The following DGAT1 variants were observed in gnomAD, a reference collection of about 807,000 sequenced individuals.
The protein encoded by DGAT1 is ACAT related gene product 1.
A neutral mutation model predicts 72.6 loss-of-function variants in DGAT1; 60 were observed. The ratio of observed to expected loss-of-function variants is 0.83; its 90% confidence interval spans 0.67 to 1.02. The LOEUF (loss-of-function observed/expected upper bound fraction) is 1.02, where lower values mean the gene tolerates loss of function less well. DGAT1 is among the 50% of genes least tolerant of loss of function. The pLI is 0.00. For synonymous variants in DGAT1, 290 were observed against 267.5 expected (o/e 1.08, Z -0.82); for missense variants, 592 against 670.0 (o/e 0.88, Z 1.29).
chr8:144,320,009 C>A lies in DGAT1; in HGVS notation c.289-941G>T, dbSNP rs1395402351. On this transcript the variant is annotated intron_variant, in intron 2 of 16. Transcript: ENST00000528718. Reference sequence around the variant, plus strand: ...AGACACAAGGGCTACTGCCCCGCCTCCCCCGGCCGCAGGGCTGACACACAG... The same window carrying A: ...AGACACAAGGGCTACTGCCCCGCCTACCCCGGCCGCAGGGCTGACACACAG... 2.6e-5 allele frequency among the ~76,000 whole-genome samples: 4 copies of A among 152,234 alleles called. 1 individual carries two copies. The highest frequency in any genetic ancestry group is 5.9e-5 in the Non-Finnish European group (4 of 68,030).
intron 1 of DGAT1, among the ~76,000 whole-genome samples, chr8:144,321,873 C>T (rs537628145): frequency 4.6e-5 from 7 of 152,352 alleles, no homozygotes; most frequent in African/African-American, 1.7e-4. Flanking sequence ...CATCCCAGCA[C>T]CCGGGAGCTA....
intron 2 of DGAT1, among the ~76,000 whole-genome samples, chr8:144,319,707 G>T (rs1817389687): frequency 6.6e-6 from 1 of 152,200 alleles, no homozygotes; most frequent in South Asian, 2.1e-4. Flanking sequence ...AACTTCCCAG[G>T]ACTGAGCCCC....
At chr8:144,326,017 G>A (rs983291289) in intron 1 of DGAT1, among the ~76,000 whole-genome samples, 2 of 152,118 alleles carry the variant, frequency 1.3e-5, no homozygotes, top group Non-Finnish European at 2.9e-5. Flanking sequence ...TCCTCTGGGA[G>A]CCTTTCCTAC....
Position 144,326,703 on chromosome 8 carries a change from G to A in DGAT1, c.-67C>T. Reference sequence around the variant, plus strand: ...CGGGTTCGTAGCGCCCGAGGCGCGCGGCCCCACCTCCGGGCCCTAGACAAC... The same window carrying A: ...CGGGTTCGTAGCGCCCGAGGCGCGCAGCCCCACCTCCGGGCCCTAGACAAC... On this transcript the variant is annotated 5_prime_UTR_variant, in exon 1 of 17. Coordinates refer to ENST00000528718, the MANE Select transcript of DGAT1 (RefSeq NM_012079.6). 8.9e-7 allele frequency: 1 copy of A among 1,118,906 alleles called. No individual in the cohort carries two copies. Among genetic ancestry groups the A allele is most frequent in the South Asian group, 3.7e-5 (1 of 26,964 alleles). 69.3% of individuals were successfully genotyped at this position (1,118,906 alleles called of 1,614,324 possible). A position where few individuals can be genotyped will look rare whatever the true frequency, so the allele number is the denominator to read the frequency against.
rs782538538 is a variant in DGAT1 at position 144,317,366 on chromosome 8, T to C, written c.1061A>G (p.Gln354Arg). ...SCLNAVAELM[Q>R]FGDREFYRDW... ...CCGGTAGAACTCCCGGTCTCCAAAC[T>C]GCATGAGCTCAGCCACGGCATTCAG... The change falls in exon 13 of 17, where the codon CAG becomes CGG. Residue 354 changes from glutamine (Q) to arginine (R), a missense_variant. Coordinates refer to ENST00000528718, the MANE Select transcript of DGAT1 (RefSeq NM_012079.6). 5.0e-6 allele frequency: 8 copies of C among 1,613,498 alleles called. No individual in the cohort carries two copies. In the Admixed American group the frequency reaches 1.3e-4, roughly 27 times the overall value.
intron 2 of DGAT1, among the ~76,000 whole-genome samples, chr8:144,320,903 A>C (rs1817433913): frequency 6.6e-6 from 1 of 152,120 alleles, no homozygotes; most frequent in African/African-American, 2.4e-5. Flanking sequence ...CCTTGTGTCC[A>C]CAGAGCATGC....
At chr8:144,318,667 G>A in intron 5 of DGAT1, 32 bp downstream of exon 5, 1 of 1,607,792 alleles carries the variant, frequency 6.2e-7, no homozygotes, top group Non-Finnish European at 8.5e-7. Flanking sequence ...ACAGCAGGGT[G>A]AGCACACACG....
rs1192022279 is a variant in DGAT1 at position 144,326,494 on chromosome 8, G to C, written c.143C>G (p.Ala48Gly). The change falls in exon 1 of 17, where the codon GCC becomes GGC. Residue 48 changes from alanine (A) to glycine (G), a missense_variant. Physicochemically the swap from Ala to Gly is moderately conservative, Grantham distance 60 (BLOSUM62 0). Coordinates refer to ENST00000528718, the MANE Select transcript of DGAT1 (RefSeq NM_012079.6). ...GTCTCCGTCCTTGTTGGGGGCCGGG[G>C]CTGGCGCGTCCCCCGCGGCTCCCAC... ...PDVGAAGDAP[A>G]PAPNKDGDAG... 1.5e-6 allele frequency: 2 copies of C among 1,290,732 alleles called. No homozygotes were observed. The highest frequency in any genetic ancestry group is 3.1e-5 in the East Asian group (1 of 31,892). 80.0% of individuals were successfully genotyped at this position (1,290,732 alleles called of 1,614,324 possible).
Position 144,314,644 on chromosome 8 carries a change from A to G in DGAT1, c.*1910T>C. ...ACAACTGTCCCGTTCCCCGCTCCAC[A>G]GAGATACACAGATATATACACACAG... On this transcript the variant is annotated 3_prime_UTR_variant, in exon 17 of 17. Transcript: ENST00000528718. 2.4e-6 allele frequency: 1 copy of G among 416,652 alleles called. No homozygotes were observed. The highest frequency in any genetic ancestry group is 4.5e-6 in the Non-Finnish European group (1 of 223,642). 25.8% of individuals were successfully genotyped at this position (416,652 alleles called of 1,614,324 possible).
Position 144,318,115 on chromosome 8 carries a change from G to A in DGAT1, c.731C>T (p.Pro244Leu), listed in dbSNP as rs367844653. ...SAAAPHTVSYPDNLTYRDLYY... is the reference protein window; with the variant it reads ...SAAAPHTVSYLDNLTYRDLYY... ...CTCACCGCGGTAGGTCAGATTGTCCGGGTAGCTCACGGTGTGCGGGGCAGC... is the reference window on the plus strand; with the variant it reads ...CTCACCGCGGTAGGTCAGATTGTCCAGGTAGCTCACGGTGTGCGGGGCAGC... Residue 244 changes from proline to leucine, a missense_variant, in exon 8 of 17, where the codon CCG (proline) becomes CTG (leucine). By Grantham distance (98) the Pro-to-Leu change is moderately conservative. Transcript: ENST00000528718. 13 of 1,541,162 alleles carry A rather than the reference G, an allele frequency of 8.4e-6. No homozygotes were observed. Among genetic ancestry groups the A allele is most frequent in the East Asian group, 2.3e-5 (1 of 44,254 alleles).
In DGAT1 at chr8:144,314,737, T is replaced by G; in HGVS notation, c.*1817A>C. 4.3e-6 allele frequency: 1 copy of G among 233,524 alleles called. No homozygotes were observed. The highest frequency in any genetic ancestry group is 8.0e-6 in the Non-Finnish European group (1 of 125,372). 14.5% of individuals were successfully genotyped at this position (233,524 alleles called of 1,614,324 possible). ...GCTCTATGCTATGGCCTCCATGTGTTTCCTCTGTCCCAGGGTGGTGCGGTG... is the reference window on the plus strand; with the variant it reads ...GCTCTATGCTATGGCCTCCATGTGTGTCCTCTGTCCCAGGGTGGTGCGGTG... On this transcript the variant is annotated 3_prime_UTR_variant, in exon 17 of 17. Coordinates refer to ENST00000528718, the MANE Select transcript of DGAT1 (RefSeq NM_012079.6).
intron 2 of DGAT1, among the ~76,000 whole-genome samples, 200 bp from the exon 3 acceptor site, chr8:144,319,268 G>A (rs374390666): frequency 7.2e-5 from 11 of 152,304 alleles, no homozygotes; most frequent in African/African-American, 2.2e-4. Context: ...TGCTGGGTAA[G>A]GGGAAGTCCC....
intron 11 of DGAT1, 30 bp downstream of exon 11, chr8:144,317,641 C>G: frequency 6.2e-7 from 1 of 1,613,950 alleles, no homozygotes; most frequent in South Asian, 1.1e-5. Flanking sequence ...CCCCAGCCAC[C>G]CCAGCTGCAA....
chr8:144,316,077 C>T lies in DGAT1; in HGVS notation c.*477G>A, dbSNP rs1252066113. 9.3e-6 allele frequency: 3 copies of T among 322,192 alleles called. No homozygotes were observed. Among genetic ancestry groups the T allele is most frequent in the Admixed American group, 1.1e-4 (2 of 17,492 alleles). 20.0% of individuals were successfully genotyped at this position (322,192 alleles called of 1,614,324 possible). ...CAGCAGGAGTAGCACCAGGAGAGGACGCCTGAGCTGAGCTTTTCTAGGTAG... is the reference window on the plus strand; with the variant it reads ...CAGCAGGAGTAGCACCAGGAGAGGATGCCTGAGCTGAGCTTTTCTAGGTAG... On this transcript the variant is annotated 3_prime_UTR_variant, in exon 17 of 17. Transcript: ENST00000528718.
chr8:144,317,543 C>A lies in DGAT1; in HGVS notation c.981+1G>T, dbSNP rs781934305. 17 of 1,613,792 alleles carry A rather than the reference C, an allele frequency of 1.1e-5. No homozygotes were observed. Among genetic ancestry groups the A allele is most frequent in the Non-Finnish European group, 1.4e-5 (17 of 1,180,036 alleles). ...TGCATGCGCCACCTGTCCGCACTCA[C>A]CGCCAGCTTCAGGAGGCGCTCGATG... is the stretch of plus-strand genomic sequence containing the variant. On this transcript the variant is annotated splice_donor_variant, in intron 12 of 16. Coordinates refer to ENST00000528718, the MANE Select transcript of DGAT1 (RefSeq NM_012079.6). LOFTEE classifies it high-confidence loss of function.
Position 144,318,930 on chromosome 8 carries a change from G to A in DGAT1, c.330-10C>T, listed in dbSNP as rs367614883. The A allele has an allele frequency of 3.1e-6, 5 of 1,605,726 alleles. No individual in the cohort carries two copies. The African/African-American group carries it at 5.4e-5, about 17-fold the overall frequency. ...CACCAGGATGCCATACCTGGGGGTG[G>A]AGGGATGGGGGTCTGAGTGGGTGGC... On this transcript the variant is annotated splice_polypyrimidine_tract_variant and intron_variant, in intron 3 of 16. Transcript: ENST00000528718.
chr8:144,315,940 G>A lies in DGAT1; in HGVS notation c.*614C>T, dbSNP rs1205204875. 11 of 986,414 alleles carry A rather than the reference G, an allele frequency of 1.1e-5. No homozygotes were observed. The highest frequency in any genetic ancestry group is 1.2e-5 in the Non-Finnish European group (10 of 830,818). 61.1% of individuals were successfully genotyped at this position (986,414 alleles called of 1,614,324 possible). On this transcript the variant is annotated 3_prime_UTR_variant, in exon 17 of 17. Transcript: ENST00000528718. ...GCCCATCCCTGGGCCATCCTGGCTG[G>A]AGCCCACTTCCCGCAAACCCAGGGC...
chr8:144,318,527 CCACGTGCAG>C lies in DGAT1; in HGVS notation c.499_507del (p.Leu167_Val169del). On this transcript the variant is annotated inframe_deletion, in exon 6 of 17. Coordinates refer to ENST00000528718, the MANE Select transcript of DGAT1 (RefSeq NM_012079.6). ...AAACACAGAATGGTGGCCAGGTTGG[CCACGTGCAG>C]CAGCAGTCCCGCCTGCTCCGTCAGG... is the stretch of plus-strand genomic sequence containing the variant. 1 of 1,611,770 alleles carries C rather than the reference CCACGTGCAG, an allele frequency of 6.2e-7. No individual in the cohort carries two copies. The highest frequency in any genetic ancestry group is 8.5e-7 in the Non-Finnish European group (1 of 1,179,914).
intron 1 of DGAT1, among the ~76,000 whole-genome samples, chr8:144,325,518 A>C (rs1355826836): frequency 6.6e-6 from 1 of 152,126 alleles, no homozygotes; most frequent in Non-Finnish European, 1.5e-5. Context: ...CTAGGCCCTC[A>C]GCTGCTCTCT....
Sources: gnomAD v4.1 joint callset for allele counts (sites outside exome capture counted in the v4.1 genomes callset) on GRCh38, gnomAD v4.1.1 for gene constraint, MANE v1.5 for transcripts, NCBI Gene and HGNC (gene_info 2026-07-23, HGNC 2026-07-21) for gene names.